Variants in MEI4 observed in about 807,000 individuals in gnomAD.
MEI4 encodes meiotic double-stranded break formation protein 4.
MEI4 carries 27 observed loss-of-function variants against 31.4 expected under a neutral mutation model. That is an observed-to-expected ratio of 0.86 (90% CI 0.63 to 1.19). The LOEUF is 1.19. Ranked by LOEUF, MEI4 falls within the 50% of genes most tolerant of loss-of-function variation. The probability of loss-of-function intolerance (pLI) is 0.00; values close to 1 mark genes in which losing one functional copy is unlikely to be tolerated. For synonymous variants in MEI4, 122 were observed against 145.4 expected (o/e 0.84, Z 1.16); for missense variants, 329 against 398.9 (o/e 0.82, Z 1.49).
intron 3 of MEI4, among the ~76,000 whole-genome samples, chr6:77,765,415 T>TA (rs398002036): frequency 8.6e-5 from 13 of 151,792 alleles, no homozygotes; most frequent in Admixed American, 7.9e-4. Flanking sequence ...TATTTTTTTT[T>TA]AAATTTTATT....
At chr6:77,761,703 G>C in intron 3 of MEI4, 38 bp downstream of exon 3, 1 of 1,178,588 alleles carries the variant, frequency 8.5e-7, no homozygotes, top group East Asian at 3.2e-5. Context: ...TAAAATGCTA[G>C]TAATTTTAGT....
At chr6:77,777,041 G>C (rs995001117) in intron 3 of MEI4, among the ~76,000 whole-genome samples, 2 of 152,100 alleles carry the variant, frequency 1.3e-5, no homozygotes, top group Non-Finnish European at 2.9e-5. Context: ...TATATACTGG[G>C]GGTAAAGTAT....
intron 4 of MEI4, among the ~76,000 whole-genome samples, chr6:77,920,769 T>C (rs1010159252): frequency 1.3e-4 from 19 of 151,926 alleles, no homozygotes. Context: ...TTAATCTCTT[T>C]ATGCATCCAT....
intron 2 of MEI4, among the ~76,000 whole-genome samples, chr6:77,744,132 G>A (rs1000982340): frequency 1.6e-4 from 24 of 152,304 alleles, no homozygotes; most frequent in African/African-American, 5.1e-4. Context: ...TGACTTTGAC[G>A]AGTTGAGAGA....
intron 4 of MEI4, among the ~76,000 whole-genome samples, chr6:77,855,799 G>T (rs1252459429): frequency 6.6e-6 from 1 of 152,080 alleles, no homozygotes; most frequent in East Asian, 1.9e-4. Context: ...TATGTACTAT[G>T]CATTCTTATC....
chr6:77,826,955 A>G (rs1769966679), intron 3 of MEI4, among the ~76,000 whole-genome samples: 2 of 152,176 alleles, frequency 1.3e-5, no homozygotes, highest in Non-Finnish European at 2.9e-5. Context: ...AGCTTTGTGA[A>G]TCCTCTAGGT....
rs1302990804 is a variant in MEI4, at chr6:77,924,331, C to T, written c.*985C>T. 1.3e-5 allele frequency: 2 copies of T among 151,850 alleles called. No individual in the cohort carries two copies. Among genetic ancestry groups the T allele is most frequent in the Admixed American group, 6.6e-5 (1 of 15,194 alleles). 9.4% of individuals were successfully genotyped at this position (151,850 alleles called of 1,614,324 possible). A position where few individuals can be genotyped will look rare whatever the true frequency, so the allele number is the denominator to read the frequency against. ...TTAAAAGTAATCTTGATAATTCCAT[C>T]TACAATGTATATACAATTATGTCAT... On this transcript the variant is annotated 3_prime_UTR_variant, in exon 5 of 5. Coordinates refer to ENST00000684080, the MANE Select transcript of MEI4 (RefSeq NM_001322247.2).
chr6:77,689,804 T>C (rs1418221539), intron 1 of MEI4, among the ~76,000 whole-genome samples: 1 of 152,046 alleles, frequency 6.6e-6, no homozygotes, highest in Non-Finnish European at 1.5e-5. Context: ...TCCTGAATAT[T>C]CTGGGTCATC....
At chr6:77,815,124 C>G (rs1222031788) in intron 3 of MEI4, among the ~76,000 whole-genome samples, 1 of 152,014 alleles carries the variant, frequency 6.6e-6, no homozygotes, top group African/African-American at 2.4e-5. Context: ...TCCTCTAACC[C>G]CCACAAGAAA....
At chr6:77,861,209 T>C (rs1215807101) in intron 4 of MEI4, among the ~76,000 whole-genome samples, 2 of 152,180 alleles carry the variant, frequency 1.3e-5, no homozygotes, top group Non-Finnish European at 2.9e-5. Flanking sequence ...GAGGCTTAGA[T>C]TGGAAGGGAA....
intron 1 of MEI4, among the ~76,000 whole-genome samples, chr6:77,685,406 T>G (rs13199986): frequency 0.069 from 10,499 of 151,884 alleles, 541 homozygotes; most frequent in Non-Finnish European, 0.11. Context: ...TATGGGGACT[T>G]GCTATTGAGT....
At chr6:77,871,931 A>G (rs907415866) in intron 4 of MEI4, among the ~76,000 whole-genome samples, 1 of 152,120 alleles carries the variant, frequency 6.6e-6, no homozygotes, top group African/African-American at 2.4e-5. Flanking sequence ...CTAGAATATT[A>G]TTGGCTTAAT....
intron 2 of MEI4, among the ~76,000 whole-genome samples, chr6:77,742,762 T>G (rs1302885635): frequency 6.6e-6 from 1 of 151,992 alleles, no homozygotes; most frequent in Non-Finnish European, 1.5e-5. Flanking sequence ...AGGTCTAACA[T>G]GTAAGTCTTT....
At chr6:77,768,700 A>G (rs1450050450) in intron 3 of MEI4, among the ~76,000 whole-genome samples, 1 of 71,492 alleles carries the variant, frequency 1.4e-5, no homozygotes, top group African/African-American at 5.3e-5. Flanking sequence ...ACTCCATCTC[A>G]AAAAAAAAAA....
At chr6:77,905,841 T>C (rs1766285494) in intron 4 of MEI4, among the ~76,000 whole-genome samples, 2 of 151,340 alleles carry the variant, frequency 1.3e-5, no homozygotes, top group Admixed American at 1.3e-4. Flanking sequence ...CCCTTTATAT[T>C]TTTTTCTCTT....
At chr6:77,674,547 C>T (rs1489341368) in intron 1 of MEI4, among the ~76,000 whole-genome samples, 1 of 152,132 alleles carries the variant, frequency 6.6e-6, no homozygotes, top group Non-Finnish European at 1.5e-5. Context: ...AGGTTCGTAG[C>T]CTAAGAGCAA....
intron 4 of MEI4, among the ~76,000 whole-genome samples, chr6:77,891,830 C>T (rs925327186): frequency 1.3e-5 from 2 of 152,116 alleles, no homozygotes; most frequent in Non-Finnish European, 2.9e-5. Context: ...GATTATTTTG[C>T]TTTGAATGTG....
intron 2 of MEI4, among the ~76,000 whole-genome samples, chr6:77,744,033 A>C (rs1767504322): frequency 6.6e-6 from 1 of 152,222 alleles, no homozygotes; most frequent in South Asian, 2.1e-4. Context: ...ACAGAGCAGA[A>C]AAACTGGAAA....
chr6:77,908,995 A>T (rs1005514453), intron 4 of MEI4, among the ~76,000 whole-genome samples: 1 of 152,076 alleles, frequency 6.6e-6, no homozygotes, highest in African/African-American at 2.4e-5. Context: ...GCTCTGCACC[A>T]AGCAGACCTA....
Sources: gnomAD v4.1 joint callset for allele counts (sites outside exome capture counted in the v4.1 genomes callset) on GRCh38, gnomAD v4.1.1 for gene constraint, MANE v1.5 for transcripts, NCBI Gene and HGNC (gene_info 2026-07-23, HGNC 2026-07-21) for gene names.